Variants in SLC44A5 observed in about 807,000 individuals in gnomAD.
SLC44A5 encodes solute carrier family 44 member 5.
In SLC44A5, 57 loss-of-function variants were observed where a neutral mutation model predicts 101.8. That is an observed-to-expected ratio of 0.56 (90% CI 0.45 to 0.70). SLC44A5 has a LOEUF of 0.70. SLC44A5 is among the 30% of genes least tolerant of loss of function. The pLI is 0.00. For synonymous variants in SLC44A5, 281 were observed against 290.9 expected (o/e 0.97, Z 0.35); for missense variants, 737 against 853.1 (o/e 0.86, Z 1.70).
intron 1 of SLC44A5, among the ~76,000 whole-genome samples, chr1:75,574,003 C>T (rs992876057): frequency 2.0e-5 from 3 of 152,090 alleles, no homozygotes; most frequent in Admixed American, 6.6e-5. Flanking sequence ...AGACTGTCAG[C>T]GAAAGTCTCA....
At chr1:75,611,875 G>A (rs564075373), upstream of SLC44A5, among the ~76,000 whole-genome samples, 59 of 151,870 alleles carry the variant, frequency 3.9e-4, no homozygotes, top group African/African-American at 1.4e-3. Flanking sequence ...TTATCTAGGA[G>A]CCCCTCATGC....
rs892871744 is a variant in SLC44A5 at position 75,218,852 on chromosome 1, G to C, written c.1267-100C>G. On this transcript the variant is annotated intron_variant, in intron 16 of 23. Coordinates refer to ENST00000370859, the MANE Select transcript of SLC44A5 (RefSeq NM_001130058.2). ...CTTCCCCTTAATTGCATATCCTGTT[G>C]TTTCTCTGTTAGCTCCTGCTCTTAC... is the stretch of plus-strand genomic sequence containing the variant. 26 of 1,083,026 alleles carry C rather than the reference G, an allele frequency of 2.4e-5. No homozygotes were observed. The African/African-American group carries it at 3.7e-4, about 15-fold the overall frequency. The allele number at this position is 1,083,026 out of a possible 1,614,324, so 67.1% of individuals were successfully genotyped here. A position where few individuals can be genotyped will look rare whatever the true frequency, so the allele number is the denominator to read the frequency against.
At chr1:75,597,699 A>G (rs1313262745) in intron 1 of SLC44A5, among the ~76,000 whole-genome samples, 1 of 152,086 alleles carries the variant, frequency 6.6e-6, no homozygotes, top group Non-Finnish European at 1.5e-5. Flanking sequence ...CAATGGAGAA[A>G]GTATTCCCTA....
chr1:75,433,949 G>A (rs1273165484), intron 2 of SLC44A5, among the ~76,000 whole-genome samples: 3 of 152,060 alleles, frequency 2.0e-5, no homozygotes, highest in African/African-American at 7.2e-5. Flanking sequence ...AAAACCATCA[G>A]CTCTCATGAG....
At chr1:75,642,441 C>T in the SLC44A5 span, among the ~76,000 whole-genome samples, 4 of 152,088 alleles carry the variant, frequency 2.6e-5, no homozygotes, top group Non-Finnish European at 4.4e-5. Context: ...TAGGTTTCCC[C>T]CTTTCATTCT....
At chr1:75,558,489 A>C (rs1672342044) in intron 1 of SLC44A5, among the ~76,000 whole-genome samples, 1 of 152,134 alleles carries the variant, frequency 6.6e-6, no homozygotes, top group Admixed American at 6.6e-5. Context: ...ATGCATAGCA[A>C]GTACACACCG....
intron 5 of SLC44A5, among the ~76,000 whole-genome samples, chr1:75,293,548 T>C (rs1653735646): frequency 6.6e-6 from 1 of 152,230 alleles, no homozygotes; most frequent in Admixed American, 6.5e-5. Context: ...GCTTATGGCT[T>C]TTTAACACAA....
At chr1:75,397,112 C>T (rs1662173338) in intron 2 of SLC44A5, among the ~76,000 whole-genome samples, 1 of 152,166 alleles carries the variant, frequency 6.6e-6, no homozygotes, top group South Asian at 2.1e-4. Context: ...TCAGCAGTCC[C>T]ACCTTAATCA....
At chr1:75,320,797 G>T (rs11163114) in intron 4 of SLC44A5, among the ~76,000 whole-genome samples, 1 of 151,870 alleles carries the variant, frequency 6.6e-6, no homozygotes, top group Non-Finnish European at 1.5e-5. Flanking sequence ...TTCCCTTCCT[G>T]TCCAATTACC....
At chr1:75,721,851 T>C in the SLC44A5 span, among the ~76,000 whole-genome samples, 13 of 152,316 alleles carry the variant, frequency 8.5e-5, no homozygotes, top group Non-Finnish European at 1.0e-4. Flanking sequence ...AAAGCCCAAC[T>C]TCAATGGGCA....
chr1:75,239,058 TGG>T (rs1648381501), intron 9 of SLC44A5, among the ~76,000 whole-genome samples: 1 of 152,066 alleles, frequency 6.6e-6, no homozygotes. Flanking sequence ...CTTTGAAAAT[TGG>T]GGATCAGTGA....
At chr1:75,326,050 C>G (rs1246043374) in intron 4 of SLC44A5, among the ~76,000 whole-genome samples, 1 of 148,810 alleles carries the variant, frequency 6.7e-6, no homozygotes, top group Non-Finnish European at 1.5e-5. Flanking sequence ...GATTTTGAAG[C>G]ATTTTTTATT....
At chr1:75,703,673 AAG>A in the SLC44A5 span, among the ~76,000 whole-genome samples, 5 of 149,452 alleles carry the variant, frequency 3.3e-5, no homozygotes, top group African/African-American at 7.7e-5. Context: ...AAAAAAAAAA[AAG>A]AATCTGAAAA....
At chr1:75,267,874 T>C (rs1193607381) in intron 6 of SLC44A5, among the ~76,000 whole-genome samples, 2 of 152,142 alleles carry the variant, frequency 1.3e-5, no homozygotes, top group African/African-American at 4.8e-5. Flanking sequence ...GCTGGCCTAA[T>C]TTTTAAATGA....
chr1:75,573,505 T>C (rs1003878978), intron 1 of SLC44A5, among the ~76,000 whole-genome samples: 1 of 152,216 alleles, frequency 6.6e-6, no homozygotes, highest in African/African-American at 2.4e-5. Flanking sequence ...CATAAATTTG[T>C]TATTTAAATA....
intron 2 of SLC44A5, among the ~76,000 whole-genome samples, chr1:75,493,292 T>A (rs1668515676): frequency 6.6e-6 from 1 of 152,178 alleles, no homozygotes; most frequent in Non-Finnish European, 1.5e-5. Context: ...GTCTGATGAC[T>A]TTTTTCTCCA....
chr1:75,271,492 A>C (rs1356944755), intron 6 of SLC44A5, among the ~76,000 whole-genome samples: 3 of 48,796 alleles, frequency 6.1e-5, no homozygotes, highest in Admixed American at 6.0e-4. Flanking sequence ...ATCACTCTGC[A>C]TGTTTTGTGT....
chr1:75,353,972 T>C, intron 3 of SLC44A5: 1 of 316,568 alleles, frequency 3.2e-6, no homozygotes, highest in Non-Finnish European at 6.2e-6. Flanking sequence ...GGATTCTTCT[T>C]CCACATTGTA....
At chr1:75,574,165 C>T (rs144460247) in intron 1 of SLC44A5, among the ~76,000 whole-genome samples, 5 of 152,214 alleles carry the variant, frequency 3.3e-5, no homozygotes, top group African/African-American at 1.2e-4. Flanking sequence ...ATATAATGTT[C>T]CCCCTGTGGC....
Sources: allele counts gnomAD v4.1 joint callset (sites outside exome capture counted in the v4.1 genomes callset), GRCh38; gene constraint gnomAD v4.1.1; transcripts MANE v1.5; gene names NCBI Gene and HGNC (gene_info 2026-07-23, HGNC 2026-07-21).